CAPN2: variants seen among roughly 807,000 people sequenced by gnomAD.
CAPN2 encodes the protein calpain-2 catalytic subunit.
In CAPN2, 92 loss-of-function variants were observed where a neutral mutation model predicts 102.3. The ratio of observed to expected loss-of-function variants is 0.90; its 90% CI spans 0.76 to 1.07. CAPN2 has a LOEUF of 1.07. CAPN2 is among the 50% of genes least tolerant of loss of function. The pLI, the probability that CAPN2 is intolerant of heterozygous loss-of-function variation, is 0.00. For synonymous variants in CAPN2, 340 were observed against 355.4 expected (o/e 0.96, Z 0.49); for missense variants, 800 against 909.4 (o/e 0.88, Z 1.55).
chr1:223,765,718 T>A (rs1418762243), intron 15 of CAPN2, among the ~76,000 whole-genome samples: 1 of 147,174 alleles, frequency 6.8e-6, no homozygotes, highest in African/African-American at 2.5e-5. Context: ...ATCTAAGGGG[T>A]TGGTGCCCAG....
rs767124861 is a variant in CAPN2 at position 223,774,889 on chromosome 1, T to C, written c.*32T>C. On this transcript the variant is annotated 3_prime_UTR_variant, in exon 21 of 21. Coordinates refer to ENST00000295006, the MANE Select transcript of CAPN2 (RefSeq NM_001748.5). ...AACTAATCTGCCTGAAGACTTCTCA[T>C]GATGGAAAATCAGCCAAGGACTAAG... 1 of 1,598,984 alleles carries C rather than the reference T, an allele frequency of 6.3e-7. No individual in the cohort carries two copies. The highest frequency in any genetic ancestry group is 8.6e-7 in the Non-Finnish European group (1 of 1,167,312).
upstream of CAPN2, among the ~76,000 whole-genome samples, chr1:223,707,600 G>A (rs986309943): frequency 1.3e-5 from 2 of 152,212 alleles, no homozygotes; most frequent in Admixed American, 1.3e-4. Context: ...CATTGTATGT[G>A]TTTGCAATTA....
At chr1:223,750,795 C>T in intron 6 of CAPN2, 95 bp from the exon 7 acceptor site, 1 of 1,161,924 alleles carries the variant, frequency 8.6e-7, no homozygotes, top group Non-Finnish European at 1.3e-6. Flanking sequence ...AGCCCCATAC[C>T]TCCTGGCTCA....
At chr1:223,745,789 G>C (rs1018346689) in intron 4 of CAPN2, among the ~76,000 whole-genome samples, 2 of 152,222 alleles carry the variant, frequency 1.3e-5, no homozygotes, top group Non-Finnish European at 2.9e-5. Context: ...AAATGCACAG[G>C]AACAAGTTAT....
intron 2 of CAPN2, 85 bp from the exon 3 acceptor site, chr1:223,744,015 A>G (rs1660687457): frequency 2.2e-6 from 2 of 890,918 alleles, no homozygotes; most frequent in Non-Finnish European, 3.8e-6. Flanking sequence ...CTTAGGCTTT[A>G]AGCCCCTGGA....
intron 2 of CAPN2, among the ~76,000 whole-genome samples, chr1:223,729,724 C>G (rs182528983): frequency 6.6e-6 from 1 of 152,220 alleles, no homozygotes; most frequent in Admixed American, 6.5e-5. Flanking sequence ...GAATCAAGGC[C>G]GGGTGCGGTG....
At chr1:223,709,653 C>T (rs1016731034), upstream of CAPN2, among the ~76,000 whole-genome samples, 34 of 140,354 alleles carry the variant, frequency 2.4e-4, no homozygotes, top group African/African-American at 9.3e-4. Context: ...AAGAGTGAAA[C>T]TCCATCTCAA....
At chr1:223,712,490 C>A, upstream of CAPN2, 3 of 1,186,520 alleles carry the variant, frequency 2.5e-6, no homozygotes, top group South Asian at 8.1e-5. Context: ...ACCCCGCGGG[C>A]CGGGCCGCTT....
chr1:223,721,128 C>A (rs1452667298), intron 2 of CAPN2, among the ~76,000 whole-genome samples: 1 of 152,228 alleles, frequency 6.6e-6, no homozygotes, highest in African/African-American at 2.4e-5. Context: ...GTCATTTAAA[C>A]CATGTTTACA....
intron 1 of CAPN2, among the ~76,000 whole-genome samples, chr1:223,705,362 A>G (rs1659579938): frequency 6.6e-6 from 1 of 152,352 alleles, no homozygotes; most frequent in East Asian, 1.9e-4. Flanking sequence ...GGGAAATGAC[A>G]TACTGACCAC....
intron 2 of CAPN2, among the ~76,000 whole-genome samples, chr1:223,742,846 T>C (rs542868855): frequency 6.6e-6 from 1 of 152,302 alleles, no homozygotes; most frequent in African/African-American, 2.4e-5. Context: ...AATAAACCTG[T>C]CAATTGGCGA....
At chr1:223,748,045 G>C (rs570151085) in intron 5 of CAPN2, among the ~76,000 whole-genome samples, 2 of 152,170 alleles carry the variant, frequency 1.3e-5, no homozygotes, top group African/African-American at 4.8e-5. Flanking sequence ...CAGGTTCCCT[G>C]GGAGCCCCTG....
intron 17 of CAPN2, chr1:223,770,149 C>T (rs1045107426): frequency 1.7e-6 from 1 of 583,586 alleles, no homozygotes; most frequent in Admixed American, 3.0e-5. Flanking sequence ...ATCTAAAGGC[C>T]ACCATCAAGG....
chr1:223,758,689 C>CTT (rs1553255729), intron 11 of CAPN2: 7,669 of 146,504 alleles, frequency 0.052, 601 homozygotes, highest in African/African-American at 0.14. Context: ...AGAAAGTTTG[C>CTT]TTTTTGTTTT....
intron 2 of CAPN2, among the ~76,000 whole-genome samples, chr1:223,741,468 A>ATTTTTT (rs10688686): frequency 2.2e-5 from 3 of 138,344 alleles, no homozygotes; most frequent in East Asian, 4.3e-4. Flanking sequence ...ATATATATAT[A>ATTTTTT]TTTGAGAGGG....
chr1:223,750,583 C>A (rs2102801668), intron 6 of CAPN2, among the ~76,000 whole-genome samples: 1 of 152,318 alleles, frequency 6.6e-6, no homozygotes, highest in South Asian at 2.1e-4. Context: ...AGCTCCTTTA[C>A]CAAAAGCGCA....
chr1:223,720,319 T>C (rs868616735), intron 2 of CAPN2, among the ~76,000 whole-genome samples: 5 of 129,440 alleles, frequency 3.9e-5, no homozygotes, highest in Non-Finnish European at 6.7e-5. Context: ...TTCTCTCTTT[T>C]TTTTTTTTTT....
chr1:223,748,511 G>A (rs552400163), intron 5 of CAPN2, among the ~76,000 whole-genome samples: 58 of 152,332 alleles, frequency 3.8e-4, no homozygotes, highest in African/African-American at 1.3e-3. Context: ...GACTCAGACC[G>A]GAATAAACAA....
At chr1:223,753,613 G>A (rs1199160112) in intron 9 of CAPN2, among the ~76,000 whole-genome samples, 2 of 151,804 alleles carry the variant, frequency 1.3e-5, no homozygotes, top group Non-Finnish European at 2.9e-5. Flanking sequence ...TTGTACACAG[G>A]GTGAGGATCC....
Sources: allele counts gnomAD v4.1 joint callset (sites outside exome capture counted in the v4.1 genomes callset), GRCh38; gene constraint gnomAD v4.1.1; transcripts MANE v1.5; gene names NCBI Gene and HGNC (gene_info 2026-07-23, HGNC 2026-07-21).